Variants in RAB21 observed in about 807,000 individuals in gnomAD.
RAB21 encodes ras-related protein Rab-21.
RAB21 carries 13 observed loss-of-function variants against 33.1 expected under a neutral mutation model. The observed-to-expected ratio is 0.39, with a 90% CI of 0.26 to 0.62. The LOEUF (loss-of-function observed/expected upper bound fraction) is 0.62. Among genes scored for constraint, RAB21 ranks in the 20% least tolerant of loss-of-function variants. RAB21 has a pLI of 0.48. For synonymous variants in RAB21, 91 were observed against 103.7 expected (o/e 0.88, Z 0.74); for missense variants, 234 against 279.1 (o/e 0.84, Z 1.15).
At chr12:71,768,210 T>C (rs564969350) in intron 1 of RAB21, among the ~76,000 whole-genome samples, 2 of 152,314 alleles carry the variant, frequency 1.3e-5, no homozygotes, top group South Asian at 2.1e-4. Flanking sequence ...TATTTATCTG[T>C]AGACTCCTTG....
intron 1 of RAB21, among the ~76,000 whole-genome samples, chr12:71,759,178 G>A (rs894724673): frequency 6.6e-6 from 1 of 152,194 alleles, no homozygotes; most frequent in African/African-American, 2.4e-5. Context: ...GCCTGTTAAT[G>A]TCCTTTTTAA....
intron 1 of RAB21, among the ~76,000 whole-genome samples, chr12:71,765,503 G>T (rs184940636): frequency 6.6e-6 from 1 of 152,022 alleles, no homozygotes; most frequent in South Asian, 2.1e-4. Context: ...TGCTTTTGGG[G>T]TGTTAGTCAT....
Position 71,797,431 on chromosome 12 carries a change from A to G in RAB21, c.*11758A>G, listed in dbSNP as rs1025659266. 2.0e-5 allele frequency: 3 copies of G among 152,144 alleles called. No homozygotes were observed. The highest frequency in any genetic ancestry group is 2.9e-5 in the Non-Finnish European group (2 of 68,014). 9.4% of individuals were successfully genotyped at this position (152,144 alleles called of 1,614,324 possible). On this transcript the variant is annotated 3_prime_UTR_variant, in exon 7 of 7. Coordinates refer to ENST00000261263, the MANE Select transcript of RAB21 (RefSeq NM_014999.4). ...GAAGATACCTAGGAATAAACAAGTT[A>G]TATGCGTGACCACAAAACCAAAACT...
chr12:71,779,980 A>G (rs1168388476), intron 4 of RAB21, among the ~76,000 whole-genome samples: 1 of 152,342 alleles, frequency 6.6e-6, no homozygotes, highest in East Asian at 1.9e-4. Flanking sequence ...AGGTTTCTGC[A>G]ATGTATTCTG....
At chr12:71,760,419 C>G (rs541087160) in intron 1 of RAB21, among the ~76,000 whole-genome samples, 2 of 152,222 alleles carry the variant, frequency 1.3e-5, no homozygotes, top group Admixed American at 6.5e-5. Context: ...TGATTTGAGG[C>G]TTTGATAAAC....
intron 1 of RAB21, among the ~76,000 whole-genome samples, chr12:71,762,281 G>A (rs1882883383): frequency 6.6e-6 from 1 of 150,670 alleles, no homozygotes; most frequent in Non-Finnish European, 1.5e-5. Context: ...CAAGCACCTA[G>A]CTTAGGTTTT....
At chr12:71,763,023 T>G (rs1246661972) in intron 1 of RAB21, among the ~76,000 whole-genome samples, 1 of 151,812 alleles carries the variant, frequency 6.6e-6, no homozygotes, top group Non-Finnish European at 1.5e-5. Flanking sequence ...ATTTTAAAAA[T>G]TAACAAATAG....
rs184936494 is a variant in RAB21, at chr12:71,790,944, G to A, written c.*5271G>A. On this transcript the variant is annotated 3_prime_UTR_variant, in exon 7 of 7. Coordinates refer to ENST00000261263, the MANE Select transcript of RAB21 (RefSeq NM_014999.4). ...TCCATGAAACCTGAAAAGGAATCTG[G>A]TCTGTTAGGTGGATTTCATTAGTAT... 5.9e-5 allele frequency: 9 copies of A among 151,274 alleles called. 1 individual carries two copies. Among genetic ancestry groups the A allele is most frequent in the Admixed American group, 5.9e-4 (9 of 15,166 alleles). 9.4% of individuals were successfully genotyped at this position (151,274 alleles called of 1,614,324 possible).
In RAB21 at chr12:71,789,727, G is replaced by T. The variant is rs1279945129; in HGVS notation, c.*4054G>T. 6.6e-6 allele frequency: 1 copy of T among 152,058 alleles called. No homozygotes were observed. Among genetic ancestry groups the T allele is most frequent in the Non-Finnish European group, 1.5e-5 (1 of 67,974 alleles). 9.4% of individuals were successfully genotyped at this position (152,058 alleles called of 1,614,324 possible). A position where few individuals can be genotyped will look rare whatever the true frequency, so the allele number is the denominator to read the frequency against. On this transcript the variant is annotated 3_prime_UTR_variant, in exon 7 of 7. Transcript: ENST00000261263. Reference sequence around the variant, plus strand: ...GGAATTTATTGAACCGCATCTACTTGATTTCATAATATGCATTGATTTTAG... The same window carrying T: ...GGAATTTATTGAACCGCATCTACTTTATTTCATAATATGCATTGATTTTAG...
intron 4 of RAB21, among the ~76,000 whole-genome samples, chr12:71,779,188 G>A (rs1259282238): frequency 6.6e-6 from 1 of 152,138 alleles, no homozygotes; most frequent in Non-Finnish European, 1.5e-5. Context: ...GGCCAGGCGT[G>A]GTGACTCTGG....
chr12:71,755,418 T>C, intron 1 of RAB21, 130 bp downstream of exon 1: 1 of 1,142,640 alleles, frequency 8.8e-7, no homozygotes. Flanking sequence ...GCCTTCGGTT[T>C]ACCTTTCCGA....
At position 71,782,582 on chromosome 12, in the gene RAB21, T is replaced by C; in HGVS notation, c.459T>C (p.Ser153=). The C allele has an allele frequency of 2.5e-6, 4 of 1,594,224 alleles. No homozygotes were observed. Among genetic ancestry groups the C allele is most frequent in the Non-Finnish European group, 3.4e-6 (4 of 1,167,842 alleles). ...SIQEAESYAE[S]VGAKHYHTSA... is the part of the protein sequence containing the mutation. ...ACTTTTTTTTAAGGTATGCAGAATC[T>C]GTGGGAGCAAAACATTATCATACTT... Residue 153 remains serine (S), a synonymous_variant, in exon 6 of 7, where the codon TCT becomes TCC. Coordinates refer to ENST00000261263, the MANE Select transcript of RAB21 (RefSeq NM_014999.4).
At chr12:71,769,928 G>A (rs778198056) in intron 2 of RAB21, 69 bp downstream of exon 2, 56 of 792,716 alleles carry the variant, frequency 7.1e-5, no homozygotes, top group Admixed American at 5.0e-4. Flanking sequence ...AAAGTTAATT[G>A]GAGCTTAGCC....
At chr12:71,759,181 C>A (rs1205609539) in intron 1 of RAB21, among the ~76,000 whole-genome samples, 2 of 152,122 alleles carry the variant, frequency 1.3e-5, no homozygotes. Flanking sequence ...TGTTAATGTC[C>A]TTTTTAATTT....
chr12:71,766,262 A>C (rs993010020), intron 1 of RAB21, among the ~76,000 whole-genome samples: 2 of 152,120 alleles, frequency 1.3e-5, no homozygotes, highest in Non-Finnish European at 2.9e-5. Flanking sequence ...CTTCTTCCAC[A>C]AGAGTGGAAG....
In RAB21 at chr12:71,788,380, C is replaced by G. The variant is rs2137662889; in HGVS notation, c.*2707C>G. On this transcript the variant is annotated 3_prime_UTR_variant, in exon 7 of 7. Transcript: ENST00000261263. ...TTTCTTTATCCTTTTTAGTGGGGGC[C>G]TGTAATTGAGGCTAATTCAATAGCA... 6.6e-6 allele frequency: 1 copy of G among 151,922 alleles called. No homozygotes were observed. The highest frequency in any genetic ancestry group is 2.4e-5 in the African/African-American group (1 of 41,408). 9.4% of individuals were successfully genotyped at this position (151,922 alleles called of 1,614,324 possible). A position where few individuals can be genotyped will look rare whatever the true frequency, so the allele number is the denominator to read the frequency against.
In RAB21 at chr12:71,797,350, C is replaced by G. The variant is rs1436670552; in HGVS notation, c.*11677C>G. The G allele has an allele frequency of 6.6e-6, 1 of 151,636 alleles. No individual in the cohort carries two copies. The highest frequency in any genetic ancestry group is 2.4e-5 in the African/African-American group (1 of 41,274). 9.4% of individuals were successfully genotyped at this position (151,636 alleles called of 1,614,324 possible). ...AAGCTTTCATTTATAAAAACAACAG[C>G]CAGTTAGAAGATATAATAGAAGAAA... On this transcript the variant is annotated 3_prime_UTR_variant, in exon 7 of 7. Transcript: ENST00000261263.
chr12:71,775,324 G>A (rs1399608235), intron 4 of RAB21, among the ~76,000 whole-genome samples: 1 of 152,120 alleles, frequency 6.6e-6, no homozygotes, highest in Non-Finnish European at 1.5e-5. Flanking sequence ...TTCAGAGATG[G>A]GATTTGAAAT....
In RAB21 at chr12:71,788,398, C is replaced by G. The variant is rs1042835448; in HGVS notation, c.*2725C>G. 1.3e-5 allele frequency: 2 copies of G among 151,720 alleles called. No homozygotes were observed. Among genetic ancestry groups the G allele is most frequent in the African/African-American group, 4.8e-5 (2 of 41,286 alleles). 9.4% of individuals were successfully genotyped at this position (151,720 alleles called of 1,614,324 possible). A position where few individuals can be genotyped will look rare whatever the true frequency, so the allele number is the denominator to read the frequency against. On this transcript the variant is annotated 3_prime_UTR_variant, in exon 7 of 7. Coordinates refer to ENST00000261263, the MANE Select transcript of RAB21 (RefSeq NM_014999.4). ...TGGGGGCCTGTAATTGAGGCTAATT[C>G]AATAGCAACAATAGACAACATGATA...
Sources: allele counts gnomAD v4.1 joint callset (sites outside exome capture counted in the v4.1 genomes callset), GRCh38; gene constraint gnomAD v4.1.1; transcripts MANE v1.5; gene names NCBI Gene and HGNC (gene_info 2026-07-23, HGNC 2026-07-21).